The following CNTN4 variants were observed in gnomAD, a reference collection of about 807,000 sequenced individuals.
CNTN4 encodes the protein contactin-4.
In CNTN4, 77 loss-of-function variants were observed where a neutral mutation model predicts 122.5. That is an observed-to-expected ratio of 0.63 (90% CI 0.52 to 0.76). The LOEUF (loss-of-function observed/expected upper bound fraction) is 0.76. Ranked by LOEUF, CNTN4 falls within the 30% of genes least tolerant of loss-of-function variation. The pLI is 0.00. For missense variants in CNTN4, 1,256 were observed against 1,259.1 expected (o/e 1.00, Z 0.04); for synonymous variants, 512 against 447.0 (o/e 1.15, Z -1.83).
chr3:2,258,050 G>C (rs2040672621), intron 2 of CNTN4, among the ~76,000 whole-genome samples: 1 of 152,140 alleles, frequency 6.6e-6, no homozygotes, highest in Non-Finnish European at 1.5e-5. Flanking sequence ...GCAATAGAAT[G>C]AGACTCCATC....
chr3:2,833,213 A>G (rs2093140752), intron 7 of CNTN4, among the ~76,000 whole-genome samples: 1 of 152,234 alleles, frequency 6.6e-6, no homozygotes, highest in Admixed American at 6.5e-5. Flanking sequence ...TGCCAATGTT[A>G]AAAGAGAGTT....
chr3:2,760,117 A>G (rs538617288), intron 6 of CNTN4, among the ~76,000 whole-genome samples: 2 of 152,180 alleles, frequency 1.3e-5, no homozygotes, highest in South Asian at 4.2e-4. Context: ...TATTTTCTCT[A>G]TTTACTGGGT....
At chr3:2,733,556 CAG>C (rs2088855040) in intron 4 of CNTN4, among the ~76,000 whole-genome samples, 1 of 104,068 alleles carries the variant, frequency 9.6e-6, no homozygotes, top group African/African-American at 6.9e-5. Flanking sequence ...TTTTTTGAGA[CAG>C]AGTCTCACAG....
At chr3:2,968,118 C>T (rs1248578653) in intron 13 of CNTN4, among the ~76,000 whole-genome samples, 3 of 152,128 alleles carry the variant, frequency 2.0e-5, no homozygotes, top group Non-Finnish European at 2.9e-5. Context: ...ATCTCAAGAA[C>T]ATTCCAAAAA....
At chr3:2,230,709 G>A (rs183445767) in intron 2 of CNTN4, among the ~76,000 whole-genome samples, 3 of 152,252 alleles carry the variant, frequency 2.0e-5, no homozygotes, top group East Asian at 3.9e-4. Context: ...TGAGGGATGG[G>A]TGCGGTGGCT....
At chr3:2,659,191 G>A (rs894353664) in intron 4 of CNTN4, among the ~76,000 whole-genome samples, 6 of 151,678 alleles carry the variant, frequency 4.0e-5, no homozygotes, top group Middle Eastern at 3.4e-3. Flanking sequence ...AGGCCAGGTG[G>A]TGGCTCAGAC....
At chr3:2,864,740 C>CAAA (rs56398439) in intron 7 of CNTN4, among the ~76,000 whole-genome samples, 7 of 54,714 alleles carry the variant, frequency 1.3e-4, no homozygotes, top group African/African-American at 4.5e-4. Context: ...AACTCCATCT[C>CAAA]AAAAAAAAAA....
At position 2,432,588 on chromosome 3, in the gene CNTN4, GTGTA is replaced by G. The variant is rs779296938; in HGVS notation, c.-89+93359_-89+93362del. ...AAATAGTATTCCACCCTGTGTGTGT[GTGTA>G]TGTGTGTGTGTGCGTGTGTGTATGT... On this transcript the variant is annotated intron_variant, in intron 3 of 24. Transcript: ENST00000418658. Among the ~76,000 whole-genome samples the G allele has an allele frequency of 2.2e-4, 34 of 152,036 alleles. No homozygotes were observed. In the East Asian group the frequency reaches 5.2e-3, roughly 23 times the overall value.
At chr3:2,202,354 G>A (rs893428965) in intron 2 of CNTN4, among the ~76,000 whole-genome samples, 3 of 152,108 alleles carry the variant, frequency 2.0e-5, no homozygotes, top group South Asian at 4.1e-4. Flanking sequence ...CATGGGGGTG[G>A]GAGTTACAAG....
intron 13 of CNTN4, among the ~76,000 whole-genome samples, chr3:2,983,002 C>T (rs929799538): frequency 4.0e-5 from 6 of 151,700 alleles, no homozygotes; most frequent in African/African-American, 1.5e-4. Context: ...ATCACGAGGT[C>T]AGGAGATCGA....
At chr3:2,818,901 G>A (rs1367619488) in intron 6 of CNTN4, among the ~76,000 whole-genome samples, 3 of 152,170 alleles carry the variant, frequency 2.0e-5, no homozygotes, top group Non-Finnish European at 4.4e-5. Context: ...ATAGAGTTGT[G>A]TTTGTATATA....
intron 4 of CNTN4, among the ~76,000 whole-genome samples, chr3:2,592,685 G>GT (rs2080557870): frequency 6.6e-6 from 1 of 152,190 alleles, no homozygotes; most frequent in Non-Finnish European, 1.5e-5. Flanking sequence ...ACGTAGAACT[G>GT]TAAGTCCATT....
intron 6 of CNTN4, among the ~76,000 whole-genome samples, chr3:2,760,355 G>A (rs1045063064): frequency 6.6e-6 from 1 of 152,020 alleles, no homozygotes; most frequent in African/African-American, 2.4e-5. Context: ...TTTTGTATAC[G>A]TTGAAGTATT....
chr3:2,626,652 A>C (rs999623774), intron 4 of CNTN4, among the ~76,000 whole-genome samples: 1 of 152,174 alleles, frequency 6.6e-6, no homozygotes, highest in Non-Finnish European at 1.5e-5. Flanking sequence ...TTATTTTTAC[A>C]TTTTTTCATC....
At chr3:2,474,080 T>C (rs1247803612) in intron 3 of CNTN4, among the ~76,000 whole-genome samples, 1 of 152,146 alleles carries the variant, frequency 6.6e-6, no homozygotes, top group Non-Finnish European at 1.5e-5. Context: ...TAAGGTTCCT[T>C]CTGGGACTGT....
chr3:2,848,099 A>C (rs1012756428), intron 7 of CNTN4, among the ~76,000 whole-genome samples: 13 of 152,128 alleles, frequency 8.5e-5, no homozygotes, highest in African/African-American at 3.1e-4. Flanking sequence ...AATAAAAAAA[A>C]TATTAGCTGG....
chr3:2,349,182 A>G (rs911570325), intron 3 of CNTN4, among the ~76,000 whole-genome samples: 1 of 152,196 alleles, frequency 6.6e-6, no homozygotes. Context: ...AAATGAATGC[A>G]ATTATGTTTG....
intron 4 of CNTN4, among the ~76,000 whole-genome samples, chr3:2,629,069 G>A (rs879390982): frequency 6.6e-6 from 1 of 152,184 alleles, no homozygotes; most frequent in Non-Finnish European, 1.5e-5. Context: ...AGGAACTTAT[G>A]TTACAGACTG....
intron 2 of CNTN4, among the ~76,000 whole-genome samples, chr3:2,126,802 C>T (rs919064531): frequency 6.6e-6 from 1 of 152,084 alleles, no homozygotes; most frequent in South Asian, 2.1e-4. Context: ...TATTTAGGCT[C>T]CTTTAACTAC....
Sources: allele counts gnomAD v4.1 joint callset (sites outside exome capture counted in the v4.1 genomes callset), GRCh38; gene constraint gnomAD v4.1.1; transcripts MANE v1.5; gene names NCBI Gene and HGNC (gene_info 2026-07-23, HGNC 2026-07-21).